NALF1: variants seen among roughly 807,000 people sequenced by gnomAD.
The protein encoded by NALF1 is family with sequence similarity 155 member A.
Under a neutral mutation model 48.4 loss-of-function variants are expected in NALF1, and 3 were observed. That is an observed-to-expected ratio of 0.06 (90% CI 0.03 to 0.16). The LOEUF is 0.16. Ranked by LOEUF, NALF1 falls within the 10% of genes least tolerant of loss-of-function variation. The pLI is 1.00. For synonymous variants in NALF1, 262 were observed against 245.7 expected (o/e 1.07, Z -0.62); for missense variants, 526 against 571.5 (o/e 0.92, Z 0.81).
At chr13:107,566,054 A>G (rs1189420710) in intron 1 of NALF1, among the ~76,000 whole-genome samples, 1 of 152,194 alleles carries the variant, frequency 6.6e-6, no homozygotes, top group Admixed American at 6.5e-5. Context: ...TTATTGCTCA[A>G]ACATCATAAG....
At chr13:107,557,509 C>A (rs2138390375) in intron 1 of NALF1, among the ~76,000 whole-genome samples, 1 of 152,202 alleles carries the variant, frequency 6.6e-6, no homozygotes, top group East Asian at 1.9e-4. Context: ...AACAACACTG[C>A]TACCAGCAGA....
At chr13:107,808,122 C>A (rs1300791742) in intron 1 of NALF1, among the ~76,000 whole-genome samples, 1 of 151,988 alleles carries the variant, frequency 6.6e-6, no homozygotes, top group Non-Finnish European at 1.5e-5. Context: ...GGCATCAGTC[C>A]AAGGTTGGAC....
At chr13:107,453,907 T>C (rs1189106105) in intron 1 of NALF1, among the ~76,000 whole-genome samples, 1 of 152,202 alleles carries the variant, frequency 6.6e-6, no homozygotes, top group African/African-American at 2.4e-5. Flanking sequence ...CTAAATCATC[T>C]TTCTCAAGTT....
At chr13:107,565,200 A>G (rs188240793) in intron 1 of NALF1, among the ~76,000 whole-genome samples, 1 of 151,632 alleles carries the variant, frequency 6.6e-6, no homozygotes, top group East Asian at 1.9e-4. Context: ...AAAGACAAAA[A>G]TGACCCCAAA....
intron 1 of NALF1, among the ~76,000 whole-genome samples, chr13:107,508,577 T>A (rs1875775240): frequency 6.6e-6 from 1 of 152,104 alleles, no homozygotes; most frequent in Non-Finnish European, 1.5e-5. Flanking sequence ...ATCCAGGAAA[T>A]TAACTTTCAC....
chr13:107,651,927 T>A (rs1050072877), intron 1 of NALF1, among the ~76,000 whole-genome samples: 1 of 152,198 alleles, frequency 6.6e-6, no homozygotes, highest in Non-Finnish European at 1.5e-5. Flanking sequence ...TGCGAATATA[T>A]CAAAGCTAAT....
At chr13:107,530,032 T>C (rs1876575453) in intron 1 of NALF1, among the ~76,000 whole-genome samples, 1 of 152,124 alleles carries the variant, frequency 6.6e-6, no homozygotes. Context: ...GTTCTATAGC[T>C]AACTCATGCC....
rs542929253 is a variant in NALF1, at chr13:107,684,941, A to G, written c.915+180741T>C. ...CCTTCCCATTGCTAATTGGGGCTTC[A>G]TTTCCCCAGGACTCCTGTGAGTCTG... On this transcript the variant is annotated intron_variant, in intron 1 of 2. Coordinates refer to ENST00000375915, the MANE Select transcript of NALF1 (RefSeq NM_001080396.3). Among the ~76,000 whole-genome samples, 86 of 152,184 alleles carry G rather than the reference A, an allele frequency of 5.7e-4. 1 individual carries two copies. In the South Asian group the frequency reaches 0.018, roughly 31 times the overall value.
At chr13:107,738,993 A>G (rs1431813598) in intron 1 of NALF1, among the ~76,000 whole-genome samples, 1 of 152,136 alleles carries the variant, frequency 6.6e-6, no homozygotes, top group African/African-American at 2.4e-5. Flanking sequence ...GAGAAAACTG[A>G]AATTCAGTTT....
Position 107,857,445 on chromosome 13 carries a change from C to A in NALF1, c.915+8237G>T, listed in dbSNP as rs145270723. Reference sequence around the variant, plus strand: ...CATAACACAAAACGTTTCCCAAGACCATTTCTACCCACAGGTTTACAGGAG... The same window carrying A: ...CATAACACAAAACGTTTCCCAAGACAATTTCTACCCACAGGTTTACAGGAG... On this transcript the variant is annotated intron_variant, in intron 1 of 2. Transcript: ENST00000375915. Among the ~76,000 whole-genome samples, 128 of 152,244 alleles carry A rather than the reference C, an allele frequency of 8.4e-4. 1 individual carries two copies. The Middle Eastern group carries it at 0.024, about 28-fold the overall frequency.
intron 1 of NALF1, among the ~76,000 whole-genome samples, chr13:107,415,300 T>A (rs1456681792): frequency 6.6e-6 from 1 of 152,130 alleles, no homozygotes; most frequent in African/African-American, 2.4e-5. Flanking sequence ...ACTTTCAGTT[T>A]GTGAAAGATA....
chr13:107,563,149 A>G (rs1877695023), intron 1 of NALF1, among the ~76,000 whole-genome samples: 1 of 152,070 alleles, frequency 6.6e-6, no homozygotes, highest in Non-Finnish European at 1.5e-5. Flanking sequence ...TTGAGCAGTG[A>G]AAAAAAATGA....
At chr13:107,707,387 T>C (rs1003348949) in intron 1 of NALF1, among the ~76,000 whole-genome samples, 1 of 152,200 alleles carries the variant, frequency 6.6e-6, no homozygotes, top group Non-Finnish European at 1.5e-5. Context: ...CTTTTAAAAT[T>C]GTTTTGGCCG....
chr13:107,645,461 T>C (rs1324726221), intron 1 of NALF1, among the ~76,000 whole-genome samples: 1 of 152,164 alleles, frequency 6.6e-6, no homozygotes, highest in Non-Finnish European at 1.5e-5. Context: ...ATTTATATGT[T>C]TTACTGATTT....
At chr13:107,244,059 C>T (rs1046379131) in intron 1 of NALF1, among the ~76,000 whole-genome samples, 19 of 152,176 alleles carry the variant, frequency 1.2e-4, no homozygotes, top group Admixed American at 4.6e-4. Flanking sequence ...TCATGGACTT[C>T]ATAACAATCT....
At chr13:107,479,308 A>G (rs1445136120) in intron 1 of NALF1, among the ~76,000 whole-genome samples, 2 of 152,190 alleles carry the variant, frequency 1.3e-5, no homozygotes, top group African/African-American at 4.8e-5. Flanking sequence ...TCCTGGCATC[A>G]TAACTATTAC....
At chr13:107,702,142 C>T (rs1275694733) in intron 1 of NALF1, among the ~76,000 whole-genome samples, 1 of 152,038 alleles carries the variant, frequency 6.6e-6, no homozygotes, top group Non-Finnish European at 1.5e-5. Flanking sequence ...TGTGTAATAT[C>T]GAGAGTACGG....
intron 1 of NALF1, among the ~76,000 whole-genome samples, chr13:107,776,593 G>C (rs977464405): frequency 6.6e-6 from 1 of 152,104 alleles, no homozygotes. Flanking sequence ...AATTTCACAA[G>C]CATGTATTGA....
chr13:107,386,901 G>T (rs1178939409), intron 1 of NALF1, among the ~76,000 whole-genome samples: 2 of 152,116 alleles, frequency 1.3e-5, no homozygotes, highest in Non-Finnish European at 2.9e-5. Flanking sequence ...GTGACATGTT[G>T]GAAAGAAACT....
Sources: allele counts gnomAD v4.1 joint callset (sites outside exome capture counted in the v4.1 genomes callset), GRCh38; gene constraint gnomAD v4.1.1; transcripts MANE v1.5; gene names NCBI Gene and HGNC (gene_info 2026-07-23, HGNC 2026-07-21).